Variants in EBAG9 observed in about 807,000 individuals in gnomAD.
EBAG9 encodes the protein estrogen receptor binding site associated antigen 9.
A neutral mutation model predicts 30.9 loss-of-function variants in EBAG9; 16 were observed. The ratio of observed to expected loss-of-function variants is 0.52; its 90% CI spans 0.35 to 0.79. The LOEUF is 0.79. Among genes scored for constraint, EBAG9 ranks in the 30% least tolerant of loss-of-function variants. The pLI is 0.01. For synonymous variants in EBAG9, 93 were observed against 82.8 expected, an observed-to-expected ratio of 1.12 and a Z score of -0.67; for missense variants, 197 against 242.1, an observed-to-expected ratio of 0.81 and a Z score of 1.24.
At chr8:109,560,485 C>G (rs565852668) in intron 5 of EBAG9, among the ~76,000 whole-genome samples, 1 of 152,328 alleles carries the variant, frequency 6.6e-6, no homozygotes, top group Admixed American at 6.5e-5. Context: ...TCTTGTCACT[C>G]TATCCCCAGC....
chr8:109,562,944 A>G (rs189809889), intron 6 of EBAG9, among the ~76,000 whole-genome samples: 34 of 152,114 alleles, frequency 2.2e-4, no homozygotes, highest in African/African-American at 7.2e-4. Flanking sequence ...ATATTATTTC[A>G]GCTAGTAACC....
chr8:109,549,262 A>G (rs1305710560), intron 1 of EBAG9, among the ~76,000 whole-genome samples: 2 of 151,980 alleles, frequency 1.3e-5, no homozygotes, highest in Non-Finnish European at 2.9e-5. Flanking sequence ...GTTTTTCACA[A>G]TGTAGTATCC....
In EBAG9 at chr8:109,557,038, A is replaced by T; in HGVS notation, c.425A>T (p.Gln142Leu). 6.3e-7 allele frequency: 1 copy of T among 1,591,126 alleles called. No individual in the cohort carries two copies. Among genetic ancestry groups the T allele is most frequent in the African/African-American group, 1.3e-5 (1 of 74,436 alleles). Residue 142 changes from glutamine to leucine, a missense_variant, in exon 5 of 7, where the codon CAG (glutamine) becomes CTG (leucine). Gln to Leu is a moderately radical substitution (Grantham distance 113, BLOSUM62 -2). Coordinates refer to ENST00000337573, the MANE Select transcript of EBAG9 (RefSeq NM_004215.5). ...ACACAAGATCTGCCTTTTATTCATC[A>T]GTCTGTAAGTATGTTAATGGTTCTA... ...AATQDLPFIHQSSELGDLDTW... is the reference protein window; with the variant it reads ...AATQDLPFIHLSSELGDLDTW...
At chr8:109,539,990 T>G (rs902853975), upstream of EBAG9, 3 of 152,600 alleles carry the variant, frequency 2.0e-5, no homozygotes, top group African/African-American at 7.2e-5. Context: ...ACCCCAGCCC[T>G]AGCCTCTGGG....
At chr8:109,545,832 A>C (rs1413054046) in intron 1 of EBAG9, among the ~76,000 whole-genome samples, 1 of 152,170 alleles carries the variant, frequency 6.6e-6, no homozygotes, top group South Asian at 2.1e-4. Context: ...TTTGGGTTCA[A>C]ATTCCAGTTC....
intron 2 of EBAG9, among the ~76,000 whole-genome samples, chr8:109,553,488 G>A (rs920982624): frequency 2.6e-5 from 4 of 152,130 alleles, no homozygotes; most frequent in Admixed American, 2.6e-4. Context: ...AAACATAAAA[G>A]CCAAGCCACC....
chr8:109,560,328 CAGTA>C (rs1400134163), intron 5 of EBAG9, among the ~76,000 whole-genome samples: 2 of 152,158 alleles, frequency 1.3e-5, no homozygotes, highest in African/African-American at 4.8e-5. Context: ...AGGATTGAGA[CAGTA>C]AGTGCCAATA....
rs1821782750 is a variant in EBAG9 at position 109,564,659 on chromosome 8, T to C, written c.*100T>C. 4 of 1,500,686 alleles carry C rather than the reference T, an allele frequency of 2.7e-6. No homozygotes were observed. Among genetic ancestry groups the C allele is most frequent in the Middle Eastern group, 1.8e-4 (1 of 5,594 alleles). 93.0% of individuals were successfully genotyped at this position (1,500,686 alleles called of 1,614,324 possible). On this transcript the variant is annotated 3_prime_UTR_variant, in exon 7 of 7. Coordinates refer to ENST00000337573, the MANE Select transcript of EBAG9 (RefSeq NM_004215.5). ...AGAGTATTTTAAGAAGACATACTGC[T>C]TGATTTTAATACATTGATCAGGCCA... is the stretch of plus-strand genomic sequence containing the variant.
At chr8:109,548,087 GT>G (rs529789371) in intron 1 of EBAG9, among the ~76,000 whole-genome samples, 1 of 149,816 alleles carries the variant, frequency 6.7e-6, no homozygotes, top group Non-Finnish European at 1.5e-5. Flanking sequence ...AAGTTGTGTT[GT>G]TTTTTTTTCT....
chr8:109,540,761 A>T (rs948378065), intron 1 of EBAG9: 1 of 152,188 alleles, frequency 6.6e-6, no homozygotes, highest in African/African-American at 2.4e-5. Flanking sequence ...GGAGCTTTGT[A>T]ATATTTTCTA....
chr8:109,554,651 AT>A, intron 3 of EBAG9, 77 bp from the exon 4 acceptor site: 1 of 1,440,096 alleles, frequency 6.9e-7, no homozygotes, highest in Non-Finnish European at 9.4e-7. Flanking sequence ...TAGAAAGCCC[AT>A]TTTTCTAATA....
intron 1 of EBAG9, among the ~76,000 whole-genome samples, chr8:109,545,321 C>CA (rs540899914): frequency 0.15 from 5,623 of 36,922 alleles, 1,017 homozygotes; most frequent in African/African-American, 0.38. Context: ...GACTGTGTCT[C>CA]AAAAAAAAAA....
In EBAG9 at chr8:109,564,617, A is replaced by G; in HGVS notation, c.*58A>G. On this transcript the variant is annotated 3_prime_UTR_variant, in exon 7 of 7. Coordinates refer to ENST00000337573, the MANE Select transcript of EBAG9 (RefSeq NM_004215.5). ...AAATCTCAGCTCCACAACCCAAGCA[A>G]CATTTGTATGGATTTAAGAGTATTT... 1 of 1,598,828 alleles carries G rather than the reference A, an allele frequency of 6.3e-7. No homozygotes were observed.
intron 1 of EBAG9, among the ~76,000 whole-genome samples, chr8:109,541,158 C>G (rs1383178673): frequency 6.6e-6 from 1 of 151,976 alleles, no homozygotes; most frequent in Non-Finnish European, 1.5e-5. Context: ...GAATCTCATT[C>G]TGATATACCT....
chr8:109,545,886 G>A (rs1821375034), intron 1 of EBAG9, among the ~76,000 whole-genome samples: 3 of 152,098 alleles, frequency 2.0e-5, no homozygotes, highest in Non-Finnish European at 4.4e-5. Context: ...ACTTAACCCC[G>A]CTGTGCCTTA....
intron 1 of EBAG9, among the ~76,000 whole-genome samples, chr8:109,541,712 G>A (rs374923128): frequency 7.2e-5 from 11 of 152,188 alleles, no homozygotes; most frequent in African/African-American, 2.7e-4. Context: ...ACAACTGGGA[G>A]TGAACGCAGA....
chr8:109,556,927 T>A lies in EBAG9; in HGVS notation c.322-8T>A. The stretch of plus-strand genomic sequence containing the variant: ...ATCCCTATAATTCTTTTTCAATTAA[T>A]CTTTCAGATTGTTATTAAGAAGAGA... On this transcript the variant is annotated splice_region_variant and splice_polypyrimidine_tract_variant and intron_variant, in intron 4 of 6. Coordinates refer to ENST00000337573, the MANE Select transcript of EBAG9 (RefSeq NM_004215.5). The A allele has an allele frequency of 6.6e-7, 1 of 1,523,810 alleles. No homozygotes were observed. Among genetic ancestry groups the A allele is most frequent in the South Asian group, 1.2e-5 (1 of 80,726 alleles). The allele number at this position is 1,523,810 out of a possible 1,614,324, so 94.4% of individuals were successfully genotyped here.
chr8:109,563,227 A>G (rs962172317), intron 6 of EBAG9, among the ~76,000 whole-genome samples: 1 of 152,132 alleles, frequency 6.6e-6, no homozygotes. Context: ...AGAACTGTAC[A>G]TACATTTCAC....
intron 1 of EBAG9, among the ~76,000 whole-genome samples, chr8:109,545,048 C>T (rs1024873494): frequency 1.3e-5 from 2 of 152,028 alleles, no homozygotes; most frequent in East Asian, 3.9e-4. Flanking sequence ...ACAGACCGGG[C>T]GTGGTGGCCC....
Sources: allele counts gnomAD v4.1 joint callset (sites outside exome capture counted in the v4.1 genomes callset), GRCh38; gene constraint gnomAD v4.1.1; transcripts MANE v1.5; gene names NCBI Gene and HGNC (gene_info 2026-07-23, HGNC 2026-07-21).